Variants in RXFP2 observed in about 807,000 individuals in gnomAD.
RXFP2 encodes the protein relaxin family peptide receptor 2, also known as relaxin receptor 2.
RXFP2 carries 68 observed loss-of-function variants against 88.6 expected under a neutral mutation model. The ratio of observed to expected loss-of-function variants is 0.77; its 90% CI spans 0.63 to 0.94. RXFP2 has a LOEUF of 0.94. Among genes scored for constraint, RXFP2 ranks in the 40% least tolerant of loss-of-function variants. RXFP2 has a pLI of 0.00. For synonymous variants in RXFP2, 329 were observed against 306.8 expected (o/e 1.07, Z -0.76); for missense variants, 791 against 893.9 (o/e 0.88, Z 1.47).
Position 31,779,764 on chromosome 13 carries a change from A to G in RXFP2, c.785+1181A>G, listed in dbSNP as rs139939277. Among the ~76,000 whole-genome samples the G allele has an allele frequency of 4.7e-3, 713 of 152,294 alleles. 3 individuals carry two copies. Among genetic ancestry groups the G allele is most frequent in the African/African-American group, 0.017 (691 of 41,562 alleles). ...TAAGATGATAAAGTTTTAGTACTTC[A>G]GCTTTTGATCCCCTCTAAACTAACC... On this transcript the variant is annotated intron_variant, in intron 9 of 17. Coordinates refer to ENST00000298386, the MANE Select transcript of RXFP2 (RefSeq NM_130806.5).
chr13:31,781,660 A>G lies in RXFP2; in HGVS notation c.786-11A>G, dbSNP rs756648593. 2.5e-6 allele frequency: 4 copies of G among 1,587,536 alleles called. 1 individual carries two copies. Among genetic ancestry groups the G allele is most frequent in the African/African-American group, 2.7e-5 (2 of 74,330 alleles). ...AAAATATTAAAAATATCTTTCCTCC[A>G]TGACTTCCAGGGATTTGGAAGGCAA... On this transcript the variant is annotated splice_polypyrimidine_tract_variant and intron_variant, in intron 9 of 17. Transcript: ENST00000298386.
In RXFP2 at chr13:31,765,919, C is replaced by A. The variant is rs187380799; in HGVS notation, c.426-37C>A. 3.9e-6 allele frequency: 4 copies of A among 1,035,658 alleles called. No individual in the cohort carries two copies. In the South Asian group the frequency reaches 5.3e-5, roughly 14 times the overall value. The allele number at this position is 1,035,658 out of a possible 1,614,324, so 64.2% of individuals were successfully genotyped here. ...CTAGGGAAGAGTGGGTTGGCCATAA[C>A]AATCCATAATGAAGTTTGCTTTACA... On this transcript the variant is annotated intron_variant, in intron 4 of 17. Coordinates refer to ENST00000298386, the MANE Select transcript of RXFP2 (RefSeq NM_130806.5).
At chr13:31,769,035 T>G (rs1872646537) in intron 5 of RXFP2, among the ~76,000 whole-genome samples, 1 of 152,136 alleles carries the variant, frequency 6.6e-6, no homozygotes, top group Non-Finnish European at 1.5e-5. Flanking sequence ...CACATATTCA[T>G]TCACTCCTGT....
intron 5 of RXFP2, among the ~76,000 whole-genome samples, chr13:31,770,936 A>G (rs1236823139): frequency 6.6e-6 from 1 of 152,218 alleles, no homozygotes; most frequent in Non-Finnish European, 1.5e-5. Context: ...AGAACTAAAG[A>G]GAAGGTGGGG....
At chr13:31,794,142 C>A (rs1246915523) in intron 16 of RXFP2, among the ~76,000 whole-genome samples, 1 of 152,112 alleles carries the variant, frequency 6.6e-6, no homozygotes, top group African/African-American at 2.4e-5. Context: ...ATGCCCAGTT[C>A]TTCTCCATTA....
chr13:31,739,853 A>G (rs1871157277), intron 1 of RXFP2, 147 bp downstream of exon 1: 1 of 676,570 alleles, frequency 1.5e-6, no homozygotes, highest in Non-Finnish European at 2.7e-6. Flanking sequence ...ATTATCTTTC[A>G]TTGCTTGTAG....
chr13:31,778,471 C>A, intron 8 of RXFP2, 41 bp from the exon 9 acceptor site: 2 of 1,309,988 alleles, frequency 1.5e-6, no homozygotes, highest in South Asian at 1.2e-5. Context: ...CTAAAAGTGT[C>A]ATATCATTTT....
intron 6 of RXFP2, 30 bp from the exon 7 acceptor site, chr13:31,775,288 G>A (rs373005663): frequency 6.6e-6 from 10 of 1,524,674 alleles, no homozygotes; most frequent in Middle Eastern, 1.7e-4. Context: ...TATTGAGTTT[G>A]CCTAATTAAC....
intron 5 of RXFP2, among the ~76,000 whole-genome samples, chr13:31,768,308 CAAT>C (rs1312458473): frequency 6.6e-6 from 1 of 152,174 alleles, no homozygotes; most frequent in Non-Finnish European, 1.5e-5. Context: ...AGACTCTCAT[CAAT>C]AAACATTCAC....
chr13:31,765,803 C>G (rs971630738), intron 4 of RXFP2, among the ~76,000 whole-genome samples, 153 bp from the exon 5 acceptor site: 2 of 152,138 alleles, frequency 1.3e-5, no homozygotes, highest in African/African-American at 4.8e-5. Context: ...ACTTTTCATT[C>G]TCCCATGAAA....
intron 10 of RXFP2, 99 bp from the exon 11 acceptor site, chr13:31,782,577 G>A (rs918002036): frequency 8.0e-6 from 7 of 879,700 alleles, no homozygotes; most frequent in Admixed American, 3.4e-5. Flanking sequence ...CTTCAAAGGA[G>A]GCTTATAAAA....
chr13:31,773,901 C>T (rs1872823879), intron 5 of RXFP2, among the ~76,000 whole-genome samples: 1 of 152,162 alleles, frequency 6.6e-6, no homozygotes, highest in African/African-American at 2.4e-5. Flanking sequence ...TAGTTATTTC[C>T]TGCCCCTGAG....
Position 31,802,770 on chromosome 13 carries a change from C to G in RXFP2, c.*365C>G, listed in dbSNP as rs1169404845. 1 of 216,458 alleles carries G rather than the reference C, an allele frequency of 4.6e-6. No homozygotes were observed. Among genetic ancestry groups the G allele is most frequent in the East Asian group, 1.1e-4 (1 of 9,254 alleles). The allele number at this position is 216,458 out of a possible 1,614,324, so 13.4% of individuals were successfully genotyped here. A position where few individuals can be genotyped will look rare whatever the true frequency, so the allele number is the denominator to read the frequency against. ...GCACTGTCCATGAAATAGAAACACT[C>G]ACAACATCTGATTCCAGTGTGGCCA... On this transcript the variant is annotated 3_prime_UTR_variant, in exon 18 of 18. Coordinates refer to ENST00000298386, the MANE Select transcript of RXFP2 (RefSeq NM_130806.5).
intron 7 of RXFP2, among the ~76,000 whole-genome samples, chr13:31,776,106 C>CTTTCTTTCTTTT (rs1566227868): frequency 8.4e-6 from 1 of 119,542 alleles, no homozygotes; most frequent in South Asian, 2.7e-4. Context: ...CTTTTCTTTT[C>CTTTCTTTCTTTT]TTTCTTTCTT....
intron 5 of RXFP2, among the ~76,000 whole-genome samples, chr13:31,770,849 G>T (rs1872709562): frequency 1.3e-5 from 2 of 152,152 alleles, no homozygotes; most frequent in Non-Finnish European, 2.9e-5. Flanking sequence ...TGAGGCCTGT[G>T]TCGTAGCATA....
rs780081880 is a variant in RXFP2 at position 31,792,935 on chromosome 13, A to G, written c.1633A>G (p.Ile545Val). ...KRQTSVILICIWMAGFLIAVI... is the reference protein window; with the variant it reads ...KRQTSVILICVWMAGFLIAVI... The stretch of plus-strand genomic sequence containing the variant: ...GCAGACCTCAGTCATCCTCATTTGC[A>G]TCTGGATGGCGGGATTTTTAATAGC... The change falls in exon 16 of 18, where the codon ATC becomes GTC. Residue 545 changes from isoleucine to valine, a missense_variant. Physicochemically the swap from Ile to Val is conservative, Grantham distance 29. Coordinates refer to ENST00000298386, the MANE Select transcript of RXFP2 (RefSeq NM_130806.5). 3 of 1,614,146 alleles carry G rather than the reference A, an allele frequency of 1.9e-6. No homozygotes were observed. The South Asian group carries it at 3.3e-5, about 18-fold the overall frequency.
rs745681160 is a variant in RXFP2, at chr13:31,739,565, T to A, written c.-48T>A. On this transcript the variant is annotated 5_prime_UTR_variant, in exon 1 of 18. Coordinates refer to ENST00000298386, the MANE Select transcript of RXFP2 (RefSeq NM_130806.5). ...ACTGAACTTACTACATCAGAACTCC[T>A]GCTGAGGTATAAGAGGATACGTCTA... is the stretch of plus-strand genomic sequence containing the variant. The A allele has an allele frequency of 7.0e-5, 86 of 1,221,586 alleles. No homozygotes were observed. The highest frequency in any genetic ancestry group is 1.0e-4 in the Non-Finnish European group (86 of 822,456). The allele number at this position is 1,221,586 out of a possible 1,614,324, so 75.7% of individuals were successfully genotyped here. A position where few individuals can be genotyped will look rare whatever the true frequency, so the allele number is the denominator to read the frequency against.
chr13:31,782,595 TG>T, intron 10 of RXFP2, 80 bp from the exon 11 acceptor site: 5 of 1,022,710 alleles, frequency 4.9e-6, no homozygotes, highest in Non-Finnish European at 7.8e-6. Flanking sequence ...AAATTCTGCC[TG>T]GATCAGTGGC....
intron 2 of RXFP2, 141 bp from the exon 3 acceptor site, chr13:31,761,583 C>A: frequency 1.6e-6 from 1 of 614,082 alleles, no homozygotes; most frequent in Admixed American, 2.3e-5. Flanking sequence ...CTAACTTTTT[C>A]TCTCTTACTA....
Sources: allele counts gnomAD v4.1 joint callset (sites outside exome capture counted in the v4.1 genomes callset), GRCh38; gene constraint gnomAD v4.1.1; transcripts MANE v1.5; gene names NCBI Gene and HGNC (gene_info 2026-07-23, HGNC 2026-07-21).